The following SPDYE21 variants were observed in gnomAD, a reference collection of about 807,000 sequenced individuals.
SPDYE21 encodes the protein speedy/RINGO cell cycle regulator family member E21.
Under a neutral mutation model 36.2 loss-of-function variants are expected in SPDYE21, and 14 were observed. That is an observed-to-expected ratio of 0.39 (90% CI 0.26 to 0.61). The LOEUF is 0.61. Among genes scored for constraint, SPDYE21 ranks in the 20% least tolerant of loss-of-function variants. The pLI is 0.55. For synonymous variants in SPDYE21, 58 were observed against 155.1 expected, an observed-to-expected ratio of 0.37 and a Z score of 4.65; for missense variants, 233 against 424.6, an observed-to-expected ratio of 0.55 and a Z score of 3.97.
intron 6 of SPDYE21, among the ~76,000 whole-genome samples, chr7:67,285,258 C>G (rs1802708586): frequency 6.6e-6 from 1 of 152,190 alleles, no homozygotes; most frequent in Non-Finnish European, 1.5e-5. Context: ...CCCTGTCCCC[C>G]AAGCTAGAGT....
chr7:67,277,125 G>A (rs878911350), intron 1 of SPDYE21, among the ~76,000 whole-genome samples, 63 bp downstream of exon 1: 1 of 151,952 alleles, frequency 6.6e-6, no homozygotes, highest in Non-Finnish European at 1.5e-5. Flanking sequence ...ACAATGGTGC[G>A]ATCTTGGCTC....
Position 67,286,292 on chromosome 7 carries a change from G to GT in SPDYE21, c.1005dup (p.Lys336Ter). Reference sequence around the variant, plus strand: ...TACCGCTCTCGCATACCCTTGGTCCGTAAGCGTCGGTTCCAGTTACGCCGT... The same window carrying GT: ...TACCGCTCTCGCATACCCTTGGTCCGTTAAGCGTCGGTTCCAGTTACGCCGT... On this transcript the variant is annotated frameshift_variant, in exon 7 of 9. Coordinates refer to ENST00000424157, the MANE Select transcript of SPDYE21 (RefSeq NM_001382715.2). LOFTEE classifies it high-confidence loss of function. 1 of 1,601,000 alleles carries GT rather than the reference G, an allele frequency of 6.2e-7. No homozygotes were observed. Among genetic ancestry groups the GT allele is most frequent in the Non-Finnish European group, 8.5e-7 (1 of 1,170,170 alleles).
chr7:67,285,668 G>A (rs1284394523), intron 6 of SPDYE21, among the ~76,000 whole-genome samples: 2 of 152,226 alleles, frequency 1.3e-5, no homozygotes, highest in East Asian at 1.9e-4. Context: ...GGGATTACAG[G>A]CATGAGCCAC....
intron 3 of SPDYE21, among the ~76,000 whole-genome samples, chr7:67,281,007 A>G (rs11984228): frequency 2.8e-5 from 4 of 142,288 alleles, no homozygotes; most frequent in African/African-American, 2.5e-5. Flanking sequence ...ACTGGAACCC[A>G]GGAGGCGGAG....
At position 67,286,142 on chromosome 7, in the gene SPDYE21, G is replaced by T. The variant is rs1456101827; in HGVS notation, c.854G>T (p.Arg285Leu). Residue 285 changes from arginine (R) to leucine (L), a missense_variant, in exon 7 of 9, where the codon CGT becomes CTT. Coordinates refer to ENST00000424157, the MANE Select transcript of SPDYE21 (RefSeq NM_001382715.2). ...GKTRSRIPLL[R>L]KRWFQLGRSM... ...ACCCGCTCTCGCATACCCTTGCTCC[G>T]TAAGCGTTGGTTCCAGTTAGGCCGT... The T allele has an allele frequency of 3.1e-6, 5 of 1,612,176 alleles. No individual in the cohort carries two copies. Among genetic ancestry groups the T allele is most frequent in the Non-Finnish European group, 4.2e-6 (5 of 1,179,630 alleles).
At position 67,288,918 on chromosome 7, in the gene SPDYE21, A is replaced by G. The variant is rs962959103; in HGVS notation, c.*1446A>G. Among the ~76,000 whole-genome samples, 1 of 149,858 alleles carries G rather than the reference A, an allele frequency of 6.7e-6. No homozygotes were observed. The highest frequency in any genetic ancestry group is 1.5e-5 in the Non-Finnish European group (1 of 67,602). On this transcript the variant is annotated 3_prime_UTR_variant, in exon 9 of 9. Transcript: ENST00000424157. ...GATGTGTGTTCTAAAGGAGGACATGAGCTGTGTGTTTTCAAGAGAACAATA... is the reference window on the plus strand; with the variant it reads ...GATGTGTGTTCTAAAGGAGGACATGGGCTGTGTGTTTTCAAGAGAACAATA...
At chr7:67,285,992 G>A (rs1408902939) in intron 6 of SPDYE21, 52 bp from the exon 7 acceptor site, 7 of 1,611,922 alleles carry the variant, frequency 4.3e-6, no homozygotes, top group Middle Eastern at 2.2e-4. Flanking sequence ...GACCTCAGCC[G>A]GAGGCCTCTC....
In SPDYE21 at chr7:67,286,353, G is replaced by T. The variant is rs1007203083; in HGVS notation, c.1065G>T (p.Gln355His). The change falls in exon 7 of 9, where the codon CAG becomes CAT. Residue 355 changes from glutamine to histidine, a missense_variant. Gln to His is a conservative substitution (Grantham distance 24, BLOSUM62 0). Around this residue, in one of 4 missense-constraint regions of SPDYE21, gnomAD observed 139 missense variants for 175.8 expected, o/e 0.79. Coordinates refer to ENST00000424157, the MANE Select transcript of SPDYE21 (RefSeq NM_001382715.2). Reference protein sequence around the residue: ...MNPRARKNRSQIVLFQKLRFQ... With the variant: ...MNPRARKNRSHIVLFQKLRFQ... Reference sequence around the variant, plus strand: ...CGAGGGCCAGGAAGAACCGCTCTCAGATAGTCCTGTTCCAGAAACTTCGGT... The same window carrying T: ...CGAGGGCCAGGAAGAACCGCTCTCATATAGTCCTGTTCCAGAAACTTCGGT... 1 of 1,613,926 alleles carries T rather than the reference G, an allele frequency of 6.2e-7. No homozygotes were observed. Among genetic ancestry groups the T allele is most frequent in the African/African-American group, 1.3e-5 (1 of 75,058 alleles).
At position 67,286,072 on chromosome 7, in the gene SPDYE21, G is replaced by A. The variant is rs1304662845; in HGVS notation, c.784G>A (p.Asp262Asn). The A allele has an allele frequency of 3.7e-6, 6 of 1,613,488 alleles. No homozygotes were observed. The highest frequency in any genetic ancestry group is 5.1e-6 in the Non-Finnish European group (6 of 1,180,022). ...LYLANDMEED[D>N]EDSKQNIFHF... ...CCTGGCCAATGACATGGAGGAGGAC[G>A]ACGAGGACTCCAAACAAAACATCTT... Residue 262 changes from aspartate (D) to asparagine (N), a missense_variant, in exon 7 of 9, where the codon GAC (aspartate) becomes AAC (asparagine). Coordinates refer to ENST00000424157, the MANE Select transcript of SPDYE21 (RefSeq NM_001382715.2).
intron 1 of SPDYE21, among the ~76,000 whole-genome samples, chr7:67,277,287 G>C (rs1031356968): frequency 1.3e-5 from 2 of 151,548 alleles, no homozygotes; most frequent in Non-Finnish European, 3.0e-5. Context: ...TCAAACTCCT[G>C]ACCTCAAGTG....
At chr7:67,279,308 C>T (rs1235323298) in intron 2 of SPDYE21, among the ~76,000 whole-genome samples, 3 of 148,056 alleles carry the variant, frequency 2.0e-5, no homozygotes, top group African/African-American at 7.5e-5. Context: ...AATCCCAGAA[C>T]TTTGGGAGGC....
At chr7:67,287,257 G>A (rs1247258842) in intron 8 of SPDYE21, among the ~76,000 whole-genome samples, 2 of 152,194 alleles carry the variant, frequency 1.3e-5, no homozygotes, top group Non-Finnish European at 2.9e-5. Flanking sequence ...TCCCTGGGCA[G>A]ACCCACCCAA....
rs535006115 is a variant in SPDYE21 at position 67,286,636 on chromosome 7, G to A, written c.*17G>A. 1.3e-5 allele frequency among the ~76,000 whole-genome samples: 2 copies of A among 152,220 alleles called. No homozygotes were observed. Among genetic ancestry groups the A allele is most frequent in the South Asian group, 4.2e-4 (2 of 4,816 alleles). ...CTTTCCTAGAGCTCCAGGGACCGTG[G>A]AGGCCTGAGGTCATCGGCCTGAGAG... On this transcript the variant is annotated 3_prime_UTR_variant, in exon 8 of 9. Coordinates refer to ENST00000424157, the MANE Select transcript of SPDYE21 (RefSeq NM_001382715.2).
At chr7:67,279,249 TG>T (rs1802592442) in intron 2 of SPDYE21, among the ~76,000 whole-genome samples, 1 of 136,972 alleles carries the variant, frequency 7.3e-6, no homozygotes, top group African/African-American at 2.7e-5. Context: ...GAGGAGGGTG[TG>T]TGGGAAGAAT....
intron 4 of SPDYE21, among the ~76,000 whole-genome samples, chr7:67,282,290 C>T (rs1435115561): frequency 6.6e-6 from 1 of 152,124 alleles, no homozygotes; most frequent in Non-Finnish European, 1.5e-5. Context: ...GATCCCAAGG[C>T]CATGGTCACA....
intron 3 of SPDYE21, among the ~76,000 whole-genome samples, chr7:67,280,742 G>A (rs1423272133): frequency 2.2e-5 from 3 of 135,220 alleles, no homozygotes; most frequent in Non-Finnish European, 4.7e-5. Flanking sequence ...AGGAAGGAAG[G>A]GCCCAGAAGT....
intron 5 of SPDYE21, among the ~76,000 whole-genome samples, chr7:67,283,299 T>G (rs1802674282): frequency 6.6e-6 from 1 of 151,586 alleles, no homozygotes. Flanking sequence ...GCTCAACTAA[T>G]TTTTGAAATG....
chr7:67,279,267 A>T (rs1421754894), intron 2 of SPDYE21, among the ~76,000 whole-genome samples: 1 of 147,080 alleles, frequency 6.8e-6, no homozygotes, highest in Non-Finnish European at 1.5e-5. Context: ...GAATGGAGAA[A>T]TTCAGGCTGG....
Position 67,282,646 on chromosome 7 carries a change from A to T in SPDYE21, c.622A>T (p.Ile208Phe). 6.4e-7 allele frequency: 1 copy of T among 1,567,848 alleles called. No individual in the cohort carries two copies. Among genetic ancestry groups the T allele is most frequent in the Non-Finnish European group, 8.6e-7 (1 of 1,159,272 alleles). The change falls in exon 5 of 9, where the codon ATT becomes TTT. Residue 208 changes from isoleucine to phenylalanine, a missense_variant. Physicochemically the swap from Ile to Phe is conservative, Grantham distance 21. Transcript: ENST00000424157. ...CTCTCTAATCACAGAGGATCCTGTC[A>T]TTAAAAGATTCCTGGCCTGGGACAA... ...AFNRLLEDPVIKRFLAWDKDL... is the reference protein window; with the variant it reads ...AFNRLLEDPVFKRFLAWDKDL...
Sources: allele counts gnomAD v4.1 joint callset (sites outside exome capture counted in the v4.1 genomes callset), GRCh38; gene constraint gnomAD v4.1.1; regional missense constraint gnomAD v4.1.1; transcripts MANE v1.5; gene names NCBI Gene and HGNC (gene_info 2026-07-23, HGNC 2026-07-21).